The following FBXW4 variants were observed in gnomAD, a reference collection of about 807,000 sequenced individuals.
FBXW4 encodes F-box and WD repeat domain containing 4, also known as F-box/WD repeat-containing protein 4.
FBXW4 carries 40 observed loss-of-function variants against 61.8 expected under a neutral mutation model. The ratio of observed to expected loss-of-function variants is 0.65; its 90% CI spans 0.50 to 0.84. FBXW4 has a LOEUF of 0.84. FBXW4 is among the 40% of genes least tolerant of loss of function. The probability of loss-of-function intolerance (pLI) is 0.00; values close to 1 mark genes in which losing one functional copy is unlikely to be tolerated. For synonymous variants in FBXW4, 311 were observed against 313.8 expected, an observed-to-expected ratio of 0.99 and a Z score of 0.10; for missense variants, 672 against 753.8, an observed-to-expected ratio of 0.89 and a Z score of 1.27.
At chr10:101,693,414 T>G (rs541274662) in intron 1 of FBXW4, among the ~76,000 whole-genome samples, 1 of 152,340 alleles carries the variant, frequency 6.6e-6, no homozygotes, top group African/African-American at 2.4e-5. Context: ...TAGAGGGATG[T>G]TCTTTAATCT....
At chr10:101,643,543 C>T (rs989552473) in intron 5 of FBXW4, among the ~76,000 whole-genome samples, 3 of 152,256 alleles carry the variant, frequency 2.0e-5, no homozygotes, top group African/African-American at 7.2e-5. Context: ...TACATCTCCA[C>T]TTGTGCTAAG....
Position 101,672,176 on chromosome 10 carries a change from C to A in FBXW4, c.1140+739G>T, listed in dbSNP as rs541108556. Reference sequence around the variant, plus strand: ...TAACAAGACACTATTGGGCCTCCTGCACCACCAACTGAATTGTCAGCAAAG... The same window carrying A: ...TAACAAGACACTATTGGGCCTCCTGAACCACCAACTGAATTGTCAGCAAAG... On this transcript the variant is annotated intron_variant, in intron 4 of 8. Coordinates refer to ENST00000331272, the MANE Select transcript of FBXW4 (RefSeq NM_022039.4). 2.8e-4 allele frequency among the ~76,000 whole-genome samples: 42 copies of A among 152,300 alleles called. 1 individual carries two copies. The South Asian group carries it at 7.3e-3, about 26-fold the overall frequency.
At chr10:101,687,412 G>A (rs1309366473) in intron 1 of FBXW4, among the ~76,000 whole-genome samples, 4 of 152,138 alleles carry the variant, frequency 2.6e-5, no homozygotes, top group Non-Finnish European at 5.9e-5. Flanking sequence ...CTTAAAGCAA[G>A]GGGAGACCAC....
chr10:101,684,914 G>A (rs2064518881), intron 1 of FBXW4, among the ~76,000 whole-genome samples: 1 of 152,144 alleles, frequency 6.6e-6, no homozygotes, highest in South Asian at 2.1e-4. Context: ...GCCAGCATGA[G>A]GACAAGACCA....
Position 101,688,221 on chromosome 10 carries a change from C to A in FBXW4, c.725+6160G>T, listed in dbSNP as rs989450334. On this transcript the variant is annotated intron_variant, in intron 1 of 8. Coordinates refer to ENST00000331272, the MANE Select transcript of FBXW4 (RefSeq NM_022039.4). ...CAGACGTGGTGATGTTTTGAAAGAGCCTGGCAGTCTGCTCTTGTCATTTAG... is the reference window on the plus strand; with the variant it reads ...CAGACGTGGTGATGTTTTGAAAGAGACTGGCAGTCTGCTCTTGTCATTTAG... 9.2e-5 allele frequency among the ~76,000 whole-genome samples: 14 copies of A among 152,316 alleles called. No homozygotes were observed. In the South Asian group the frequency reaches 2.3e-3, roughly 25 times the overall value.
Position 101,624,640 on chromosome 10 carries a change from C to T in FBXW4, c.1301+105G>A, listed in dbSNP as rs867011943. ...CAGAGGCCTCCTACTAGACCACTTC[C>T]CAGCCTTCTCCTGGACCACTCAGCC... On this transcript the variant is annotated intron_variant, in intron 6 of 8. Transcript: ENST00000331272. The T allele has an allele frequency of 1.3e-5, 16 of 1,266,544 alleles. No homozygotes were observed. In the Middle Eastern group the frequency reaches 1.5e-3, roughly 117 times the overall value. 78.5% of individuals were successfully genotyped at this position (1,266,544 alleles called of 1,614,324 possible).
At chr10:101,672,738 G>C (rs938656575) in intron 4 of FBXW4, among the ~76,000 whole-genome samples, 177 bp downstream of exon 4, 1 of 152,094 alleles carries the variant, frequency 6.6e-6, no homozygotes, top group Non-Finnish European at 1.5e-5. Context: ...AGCTGGCAGG[G>C]ACAACGCCTG....
intron 1 of FBXW4, among the ~76,000 whole-genome samples, chr10:101,680,794 T>G (rs1465790716): frequency 1.3e-5 from 2 of 152,212 alleles, no homozygotes; most frequent in African/African-American, 4.8e-5. Context: ...CAGCTTATGA[T>G]CTAGCATTTC....
intron 2 of FBXW4, among the ~76,000 whole-genome samples, chr10:101,675,439 C>A (rs1216494632): frequency 6.6e-6 from 1 of 152,150 alleles, no homozygotes; most frequent in Non-Finnish European, 1.5e-5. Flanking sequence ...AAACTAGCCC[C>A]AAAAGGCAAA....
intron 2 of FBXW4, 47 bp downstream of exon 2, chr10:101,676,294 T>C (rs749731095): frequency 3.3e-5 from 51 of 1,536,566 alleles, no homozygotes; most frequent in Admixed American, 2.4e-4. Context: ...CTTTCCATTA[T>C]GCTTTTATGT....
At chr10:101,614,120 G>C (rs1194731913) in intron 6 of FBXW4, among the ~76,000 whole-genome samples, 2 of 152,198 alleles carry the variant, frequency 1.3e-5, no homozygotes, top group Non-Finnish European at 2.9e-5. Flanking sequence ...AGGTATACTG[G>C]GTGCATGCTG....
At chr10:101,677,026 C>T (rs12261112) in intron 1 of FBXW4, among the ~76,000 whole-genome samples, 32 of 152,156 alleles carry the variant, frequency 2.1e-4, no homozygotes, top group African/African-American at 7.5e-4. Context: ...GAATTTGTAC[C>T]GTGATGAGGA....
At chr10:101,661,763 C>T (rs2064246808) in intron 5 of FBXW4, among the ~76,000 whole-genome samples, 1 of 152,180 alleles carries the variant, frequency 6.6e-6, no homozygotes, top group Admixed American at 6.5e-5. Flanking sequence ...TTCAGGTCTT[C>T]TTTCCCTAGA....
intron 5 of FBXW4, among the ~76,000 whole-genome samples, chr10:101,641,272 A>C (rs1024825895): frequency 1.3e-4 from 20 of 152,234 alleles, no homozygotes; most frequent in South Asian, 2.1e-4. Context: ...AAAGGAAAAA[A>C]AGCATGCATA....
At chr10:101,635,832 C>G (rs11593799) in intron 5 of FBXW4, among the ~76,000 whole-genome samples, 6,376 of 145,344 alleles carry the variant, frequency 0.044, 190 homozygotes, top group Non-Finnish European at 0.069. Flanking sequence ...CAGAGCAAGA[C>G]CCGGTCTCAG....
chr10:101,672,899 G>C lies in FBXW4; in HGVS notation c.1140+16C>G. The stretch of plus-strand genomic sequence containing the variant: ...ACAGGAGGGAGTAATAGTATGTAAG[G>C]GGGAGACCACCTCACCTTGGCCGTC... On this transcript the variant is annotated intron_variant, in intron 4 of 8. Coordinates refer to ENST00000331272, the MANE Select transcript of FBXW4 (RefSeq NM_022039.4). 1.9e-6 allele frequency: 3 copies of C among 1,612,974 alleles called. No individual in the cohort carries two copies. In the South Asian group the frequency reaches 3.3e-5, roughly 18 times the overall value.
At chr10:101,644,275 G>C (rs1354224398) in intron 5 of FBXW4, among the ~76,000 whole-genome samples, 2 of 152,170 alleles carry the variant, frequency 1.3e-5, no homozygotes, top group Non-Finnish European at 2.9e-5. Flanking sequence ...GCCCCGTGGT[G>C]AGCCAGAGCA....
intron 5 of FBXW4, among the ~76,000 whole-genome samples, chr10:101,642,879 G>A (rs1282578877): frequency 6.6e-6 from 1 of 152,138 alleles, no homozygotes; most frequent in Non-Finnish European, 1.5e-5. Context: ...GGGCAGGGCT[G>A]GGCGTGATGC....
intron 1 of FBXW4, among the ~76,000 whole-genome samples, chr10:101,693,465 C>G (rs774422824): frequency 2.6e-5 from 4 of 152,132 alleles, no homozygotes; most frequent in Admixed American, 2.0e-4. Flanking sequence ...TGTACCTATT[C>G]TGTTAGGATC....
Sources: gnomAD v4.1 joint callset for allele counts (sites outside exome capture counted in the v4.1 genomes callset) on GRCh38, gnomAD v4.1.1 for gene constraint, MANE v1.5 for transcripts, NCBI Gene and HGNC (gene_info 2026-07-23, HGNC 2026-07-21) for gene names.